Variants in TACC2 observed in about 807,000 individuals in gnomAD.
TACC2 encodes transforming acidic coiled-coil containing protein 2, also known as transforming acidic coiled-coil-containing protein 2.
A neutral mutation model predicts 227.3 loss-of-function variants in TACC2; 137 were observed. The ratio of observed to expected loss-of-function variants is 0.60; its 90% confidence interval spans 0.52 to 0.69. TACC2 has a LOEUF of 0.69. TACC2 is among the 30% of genes least tolerant of loss of function. The pLI is 0.00. For synonymous variants in TACC2, 1,523 were observed against 1,487.5 expected (o/e 1.02, Z -0.55); for missense variants, 3,470 against 3,694.4 (o/e 0.94, Z 1.57).
chr10:122,245,799 A>G (rs2096101414), intron 19 of TACC2, among the ~76,000 whole-genome samples: 1 of 152,022 alleles, frequency 6.6e-6, no homozygotes, highest in Non-Finnish European at 1.5e-5. Flanking sequence ...TTCTCATTTA[A>G]TCTCCTGCAA....
intron 6 of TACC2, among the ~76,000 whole-genome samples, chr10:122,134,063 G>GGATA (rs1164149625): frequency 6.6e-6 from 1 of 152,166 alleles, no homozygotes; most frequent in Non-Finnish European, 1.5e-5. Context: ...GCAGAGGACG[G>GGATA]GATAGATAGG....
At chr10:122,119,121 A>G (rs1380920590) in intron 5 of TACC2, among the ~76,000 whole-genome samples, 5 of 152,202 alleles carry the variant, frequency 3.3e-5, no homozygotes, top group Admixed American at 2.0e-4. Context: ...CCATTAAACA[A>G]CAATTTCCCT....
chr10:122,101,167 C>T (rs2082094221), intron 5 of TACC2, among the ~76,000 whole-genome samples: 1 of 141,264 alleles, frequency 7.1e-6, no homozygotes, highest in African/African-American at 2.6e-5. Flanking sequence ...GCTGCTTATT[C>T]ATTGTAGGAC....
In TACC2 at chr10:121,989,453, C is replaced by G. The variant is rs1952942370; in HGVS notation, c.-81C>G. On this transcript the variant is annotated 5_prime_UTR_variant, in exon 1 of 23. Coordinates refer to ENST00000369005, the MANE Select transcript of TACC2 (RefSeq NM_206862.4). ...GGAAGAATAGAGTTGCTGCTGCAGA[C>G]ACATCAGATTCCCTACTGGTAACAG... 1 of 152,236 alleles carries G rather than the reference C, an allele frequency of 6.6e-6. No individual in the cohort carries two copies. The highest frequency in any genetic ancestry group is 1.5e-5 in the Non-Finnish European group (1 of 68,060). The allele number at this position is 152,236 out of a possible 1,614,324, so 9.4% of individuals were successfully genotyped here.
intron 1 of TACC2, among the ~76,000 whole-genome samples, chr10:122,014,708 C>T (rs573920462): frequency 1.3e-5 from 2 of 152,304 alleles, no homozygotes; most frequent in African/African-American, 4.8e-5. Flanking sequence ...CTCTTGCAGA[C>T]CTGCCCATAG....
chr10:122,037,489 A>C (rs748431763), intron 2 of TACC2, among the ~76,000 whole-genome samples: 17 of 152,312 alleles, frequency 1.1e-4, no homozygotes, highest in South Asian at 2.1e-4. Flanking sequence ...GGCTCAGCGG[A>C]CTTGAGACTC....
intron 3 of TACC2, among the ~76,000 whole-genome samples, chr10:122,070,326 A>G (rs10788235): frequency 0.56 from 84,466 of 152,054 alleles, 25,959 homozygotes; most frequent in Non-Finnish European, 0.7. Flanking sequence ...GAAGGGATAT[A>G]GACTGGGCAT....
intron 5 of TACC2, among the ~76,000 whole-genome samples, chr10:122,130,090 C>G (rs1000383043): frequency 3.9e-5 from 6 of 152,198 alleles, no homozygotes; most frequent in Admixed American, 3.9e-4. Context: ...CTCTGCCTCC[C>G]AGGTTCAAGT....
intron 7 of TACC2, among the ~76,000 whole-genome samples, chr10:122,170,786 T>G (rs918295045): frequency 6.6e-6 from 1 of 152,218 alleles, no homozygotes; most frequent in Non-Finnish European, 1.5e-5. Context: ...CCTCGCCTGA[T>G]GTTCACCAGG....
intron 16 of TACC2, among the ~76,000 whole-genome samples, chr10:122,234,779 ATAAT>A (rs2095825703): frequency 6.6e-6 from 1 of 152,188 alleles, no homozygotes; most frequent in African/African-American, 2.4e-5. Context: ...CAGCATAAAG[ATAAT>A]TAATTCCTTC....
intron 7 of TACC2, among the ~76,000 whole-genome samples, chr10:122,149,467 C>T (rs888459109): frequency 6.6e-6 from 1 of 152,186 alleles, no homozygotes; most frequent in African/African-American, 2.4e-5. Flanking sequence ...GTTGGCTCTT[C>T]AGGCTTTCCT....
chr10:122,091,194 C>T (rs779015182), intron 5 of TACC2, among the ~76,000 whole-genome samples: 10 of 151,588 alleles, frequency 6.6e-5, no homozygotes, highest in Admixed American at 2.6e-4. Context: ...CCCCTGGCTA[C>T]GTGTGGATGG....
At chr10:122,250,109 CA>C (rs2096223119) in intron 22 of TACC2, among the ~76,000 whole-genome samples, 2 of 152,198 alleles carry the variant, frequency 1.3e-5, no homozygotes, top group African/African-American at 4.8e-5. Flanking sequence ...ATTCCAGGGA[CA>C]GGGGTGATCT....
At chr10:122,082,511 A>G (rs1003783527) in intron 3 of TACC2, 136 bp from the exon 4 acceptor site, 1 of 911,680 alleles carries the variant, frequency 1.1e-6, no homozygotes, top group Non-Finnish European at 1.7e-6. Context: ...GAGAGGAATG[A>G]GCTGCATGAG....
Position 122,215,438 on chromosome 10 carries a change from A to G in TACC2, c.7331A>G (p.Asp2444Gly), listed in dbSNP as rs749217706. ...KKSPKRSPLS[D>G]PPSQDPTPAA... ...TCGCCAAAACGGTCTCCTCTCTCTG[A>G]TCCACCTTCCCAGGTACAGTGTTCC... Residue 2444 changes from aspartate to glycine, a missense_variant, in exon 10 of 23, where the codon GAT becomes GGT. Asp to Gly is a moderately conservative substitution (Grantham distance 94, BLOSUM62 -1). Around this residue, in one of 10 missense-constraint regions of TACC2, gnomAD observed 593 missense variants for 636.6 expected, o/e 0.93. Coordinates refer to ENST00000369005, the MANE Select transcript of TACC2 (RefSeq NM_206862.4). 6.2e-7 allele frequency: 1 copy of G among 1,613,820 alleles called. No individual in the cohort carries two copies. Among genetic ancestry groups the G allele is most frequent in the South Asian group, 1.1e-5 (1 of 91,060 alleles).
chr10:122,088,886 C>G, intron 5 of TACC2: 2 of 788,526 alleles, frequency 2.5e-6, no homozygotes, highest in Middle Eastern at 3.7e-4. Context: ...TTTGGGAGGT[C>G]GAGGCAGGAA....
chr10:122,190,501 T>C (rs937434774), intron 7 of TACC2, among the ~76,000 whole-genome samples: 3 of 152,188 alleles, frequency 2.0e-5, no homozygotes, highest in African/African-American at 7.2e-5. Flanking sequence ...GCCAGCACAG[T>C]CTGTCCCCAC....
intron 1 of TACC2, among the ~76,000 whole-genome samples, chr10:122,019,532 C>G (rs1164865552): frequency 6.6e-6 from 1 of 152,202 alleles, no homozygotes; most frequent in African/African-American, 2.4e-5. Context: ...TGCGGCCAAT[C>G]AGATGGCAGG....
chr10:122,123,797 T>A (rs1282834779), intron 5 of TACC2, among the ~76,000 whole-genome samples: 1 of 148,302 alleles, frequency 6.7e-6, no homozygotes, highest in Non-Finnish European at 1.5e-5. Flanking sequence ...TGAGTTGGGT[T>A]GCTGTAGAGT....
Sources: allele counts gnomAD v4.1 joint callset (sites outside exome capture counted in the v4.1 genomes callset), GRCh38; gene constraint gnomAD v4.1.1; regional missense constraint gnomAD v4.1.1; transcripts MANE v1.5; gene names NCBI Gene and HGNC (gene_info 2026-07-23, HGNC 2026-07-21).